The following NKAIN2 variants were observed in gnomAD, a reference collection of about 807,000 sequenced individuals.
The protein encoded by NKAIN2 is sodium/potassium transporting ATPase interacting 2, also known as sodium/potassium-transporting ATPase subunit beta-1-interacting protein 2.
NKAIN2 carries 14 observed loss-of-function variants against 32.6 expected under a neutral mutation model. The ratio of observed to expected loss-of-function variants is 0.43; its 90% confidence interval spans 0.28 to 0.67. NKAIN2 has a LOEUF of 0.67. Among genes scored for constraint, NKAIN2 ranks in the 30% least tolerant of loss-of-function variants. NKAIN2 has a pLI of 0.17. For synonymous variants in NKAIN2, 80 were observed against 87.2 expected, an observed-to-expected ratio of 0.92 and a Z score of 0.46; for missense variants, 198 against 258.3, an observed-to-expected ratio of 0.77 and a Z score of 1.60.
In NKAIN2 at chr6:124,139,079, A is replaced by ATTTTTTTTTTTTT. The variant is rs900247440; in HGVS notation, c.55-143918_55-143906dup. Reference sequence around the variant, plus strand: ...TCCCCAAAAACTTTTTTAAATAAAAATTTTTTTTTTTTTTTTTTTTGAGAC... The same window carrying ATTTTTTTTTTTTT: ...TCCCCAAAAACTTTTTTAAATAAAAATTTTTTTTTTTTTTTTTTTTTTTTTTTTTTTTTGAGAC... On this transcript the variant is annotated intron_variant, in intron 1 of 6. Transcript: ENST00000368417. Among the ~76,000 whole-genome samples, 123 of 99,490 alleles carry ATTTTTTTTTTTTT rather than the reference A, an allele frequency of 1.2e-3. 7 individuals carry two copies. The highest frequency in any genetic ancestry group is 4.3e-3 in the African/African-American group (101 of 23,582). 65.3% of individuals were successfully genotyped at this position (99,490 alleles called of 152,430 possible). A position where few individuals can be genotyped will look rare whatever the true frequency, so the allele number is the denominator to read the frequency against.
chr6:124,425,708 C>A (rs906313587), intron 3 of NKAIN2, among the ~76,000 whole-genome samples: 3 of 152,034 alleles, frequency 2.0e-5, no homozygotes, highest in African/African-American at 7.2e-5. Flanking sequence ...AAAAAGTGTT[C>A]AAGGTCATTC....
chr6:123,973,945 G>A (rs969525679), intron 1 of NKAIN2, among the ~76,000 whole-genome samples: 2 of 152,026 alleles, frequency 1.3e-5, no homozygotes, highest in African/African-American at 2.4e-5. Flanking sequence ...CCTAATAATC[G>A]ATTATGAAAG....
intron 3 of NKAIN2, among the ~76,000 whole-genome samples, chr6:124,415,867 T>G (rs1774441529): frequency 7.1e-6 from 1 of 141,446 alleles, no homozygotes; most frequent in Admixed American, 7.6e-5. Flanking sequence ...TTAATTTGCT[T>G]TTTTTATTTG....
intron 1 of NKAIN2, among the ~76,000 whole-genome samples, chr6:123,915,496 G>A (rs1775442156): frequency 6.6e-6 from 1 of 152,128 alleles, no homozygotes; most frequent in Admixed American, 6.5e-5. Flanking sequence ...CTAGAGAGTG[G>A]TAAGTCATCC....
intron 4 of NKAIN2, among the ~76,000 whole-genome samples, chr6:124,765,750 A>G (rs1778486654): frequency 6.6e-6 from 1 of 152,170 alleles, no homozygotes; most frequent in Non-Finnish European, 1.5e-5. Context: ...ATCTCTAAAA[A>G]CTGAAGAGTC....
chr6:124,731,507 A>G lies in NKAIN2; in HGVS notation c.475-59832A>G, dbSNP rs556374280. On this transcript the variant is annotated intron_variant, in intron 4 of 6. Coordinates refer to ENST00000368417, the MANE Select transcript of NKAIN2 (RefSeq NM_001040214.3). Reference sequence around the variant, plus strand: ...TCTCACTCATAGGTGGGAATTGAACAATGAGATCACATGGACACAGGAAGG... The same window carrying G: ...TCTCACTCATAGGTGGGAATTGAACGATGAGATCACATGGACACAGGAAGG... Among the ~76,000 whole-genome samples, 121 of 135,188 alleles carry G rather than the reference A, an allele frequency of 9.0e-4. 1 individual carries two copies. Among genetic ancestry groups the G allele is most frequent in the African/African-American group, 3.2e-3 (115 of 36,082 alleles). The allele number at this position is 135,188 out of a possible 152,430, so 88.7% of individuals were successfully genotyped here.
At chr6:124,295,364 A>T (rs1451623974) in intron 2 of NKAIN2, among the ~76,000 whole-genome samples, 1 of 152,082 alleles carries the variant, frequency 6.6e-6, no homozygotes, top group East Asian at 1.9e-4. Context: ...AGTCAAAGGC[A>T]TGAGAAGCTC....
intron 3 of NKAIN2, among the ~76,000 whole-genome samples, chr6:124,610,221 A>G (rs183034351): frequency 6.6e-6 from 1 of 152,194 alleles, no homozygotes; most frequent in African/African-American, 2.4e-5. Context: ...TTACATATAC[A>G]TCTAAGCTGT....
Position 124,398,954 on chromosome 6 carries a change from TCTC to T in NKAIN2, c.273+43609_273+43611del, listed in dbSNP as rs558170511. ...TTTATTTATTTATTTAGAGACAGAG[TCTC>T]CCTCTCTTGCCCAGGATGGAGTGGA... On this transcript the variant is annotated intron_variant, in intron 3 of 6. Coordinates refer to ENST00000368417, the MANE Select transcript of NKAIN2 (RefSeq NM_001040214.3). Among the ~76,000 whole-genome samples the T allele has an allele frequency of 3.1e-3, 470 of 152,190 alleles. 2 individuals carry two copies. The highest frequency in any genetic ancestry group is 0.011 in the African/African-American group (456 of 41,510).
intron 1 of NKAIN2, among the ~76,000 whole-genome samples, chr6:124,103,823 C>T (rs147968817): frequency 9.8e-4 from 149 of 152,224 alleles, no homozygotes; most frequent in African/African-American, 3.4e-3. Context: ...TGCGGTGGCT[C>T]ATGCCTGTAA....
chr6:124,241,095 A>T (rs1464958938), intron 1 of NKAIN2, among the ~76,000 whole-genome samples: 2 of 152,188 alleles, frequency 1.3e-5, no homozygotes, highest in Non-Finnish European at 2.9e-5. Flanking sequence ...CTATACACCA[A>T]TAATAGAAAA....
chr6:124,113,178 C>T (rs1419896482), intron 1 of NKAIN2, among the ~76,000 whole-genome samples: 7 of 152,106 alleles, frequency 4.6e-5, no homozygotes, highest in Non-Finnish European at 8.8e-5. Context: ...CACCAATCAA[C>T]CTACCCAGGG....
intron 3 of NKAIN2, among the ~76,000 whole-genome samples, chr6:124,555,573 G>C (rs1780443388): frequency 6.6e-6 from 1 of 152,058 alleles, no homozygotes; most frequent in South Asian, 2.1e-4. Context: ...AGATATTCTT[G>C]TGACTCACGA....
chr6:124,442,981 G>A (rs943705144), intron 3 of NKAIN2, among the ~76,000 whole-genome samples: 4 of 152,086 alleles, frequency 2.6e-5, no homozygotes, highest in African/African-American at 7.2e-5. Context: ...CATGTCATGC[G>A]GTAAATGAGT....
At chr6:124,310,073 G>A (rs1796653469) in intron 2 of NKAIN2, among the ~76,000 whole-genome samples, 1 of 151,946 alleles carries the variant, frequency 6.6e-6, no homozygotes, top group Non-Finnish European at 1.5e-5. Context: ...AGCTTGGTGG[G>A]AATAGATGTC....
intron 3 of NKAIN2, among the ~76,000 whole-genome samples, chr6:124,486,960 G>A (rs1431712547): frequency 2.0e-5 from 3 of 152,076 alleles, no homozygotes; most frequent in Admixed American, 6.6e-5. Flanking sequence ...TCTTTGGTAC[G>A]TTAAGTGTAA....
At chr6:124,706,948 G>A (rs561590738) in intron 4 of NKAIN2, among the ~76,000 whole-genome samples, 35 of 151,224 alleles carry the variant, frequency 2.3e-4, no homozygotes, top group African/African-American at 4.9e-4. Flanking sequence ...CCACTAACTC[G>A]TCATCTAGCA....
chr6:123,986,935 C>G (rs1014842311), intron 1 of NKAIN2, among the ~76,000 whole-genome samples: 1 of 152,058 alleles, frequency 6.6e-6, no homozygotes, highest in African/African-American at 2.4e-5. Context: ...AAGATGGAAT[C>G]CTTGGTGTGG....
intron 3 of NKAIN2, among the ~76,000 whole-genome samples, chr6:124,473,420 A>T (rs1202645805): frequency 6.6e-6 from 1 of 152,200 alleles, no homozygotes; most frequent in East Asian, 1.9e-4. Flanking sequence ...ACTACTTAAT[A>T]AGATATACAG....
Sources: gnomAD v4.1 joint callset for allele counts (sites outside exome capture counted in the v4.1 genomes callset) on GRCh38, gnomAD v4.1.1 for gene constraint, MANE v1.5 for transcripts, NCBI Gene and HGNC (gene_info 2026-07-23, HGNC 2026-07-21) for gene names.